Variants in DNAH9 observed in about 807,000 individuals in gnomAD.
DNAH9 encodes DNAH9 variant protein.
A neutral mutation model predicts 471.6 loss-of-function variants in DNAH9; 345 were observed. The observed-to-expected ratio is 0.73, with a 90% CI of 0.67 to 0.80. The LOEUF (loss-of-function observed/expected upper bound fraction) is 0.80. DNAH9 is among the 30% of genes least tolerant of loss of function. The pLI is 0.00. For synonymous variants in DNAH9, 2,093 were observed against 2,123.6 expected (o/e 0.99, Z 0.40); for missense variants, 5,407 against 5,609.2 (o/e 0.96, Z 1.15).
chr17:11,736,851 G>A (rs1436568770), intron 28 of DNAH9, among the ~76,000 whole-genome samples: 4 of 152,222 alleles, frequency 2.6e-5, no homozygotes, highest in African/African-American at 9.6e-5. Flanking sequence ...AAGGTCCCAG[G>A]CTCGTGCCTT....
intron 7 of DNAH9, among the ~76,000 whole-genome samples, chr17:11,632,002 C>G (rs1200862114): frequency 6.6e-6 from 1 of 152,006 alleles, no homozygotes; most frequent in Non-Finnish European, 1.5e-5. Flanking sequence ...TCTTGTTTAC[C>G]TGAAATTCCA....
At chr17:11,702,084 G>T (rs2074611282) in intron 24 of DNAH9, among the ~76,000 whole-genome samples, 1 of 152,214 alleles carries the variant, frequency 6.6e-6, no homozygotes, top group African/African-American at 2.4e-5. Flanking sequence ...TGAAAGCTGA[G>T]ATGTGAAGCA....
rs943568228 is a variant in DNAH9, at chr17:11,948,112, T to G, written c.12843+5627T>G. Reference sequence around the variant, plus strand: ...AACGTGTGATGGCATCAGGCTTTTTTTCTATGCTTCAGTGGTTGATTGCCC... The same window carrying G: ...AACGTGTGATGGCATCAGGCTTTTTGTCTATGCTTCAGTGGTTGATTGCCC... On this transcript the variant is annotated intron_variant, in intron 67 of 68. Coordinates refer to ENST00000262442, the MANE Select transcript of DNAH9 (RefSeq NM_001372.4). Among the ~76,000 whole-genome samples, 9 of 152,080 alleles carry G rather than the reference T, an allele frequency of 5.9e-5. No individual in the cohort carries two copies. In the South Asian group the frequency reaches 6.2e-4, roughly 11 times the overall value.
intron 43 of DNAH9, among the ~76,000 whole-genome samples, chr17:11,798,425 T>A: frequency 1.1e-5 from 1 of 93,190 alleles, no homozygotes; most frequent in Non-Finnish European, 1.9e-5. Flanking sequence ...AGAGCAAGAC[T>A]CTGCCTCAAA....
intron 2 of DNAH9, among the ~76,000 whole-genome samples, chr17:11,609,649 T>A (rs758922243): frequency 1.3e-5 from 2 of 152,238 alleles, no homozygotes; most frequent in Non-Finnish European, 2.9e-5. Flanking sequence ...CCTTGATTCT[T>A]TGCACCTATC....
intron 64 of DNAH9, among the ~76,000 whole-genome samples, chr17:11,933,121 A>G (rs538790857): frequency 6.7e-6 from 1 of 149,634 alleles, no homozygotes; most frequent in Non-Finnish European, 1.5e-5. Context: ...TCTCACACCA[A>G]TGAACTTGTG....
chr17:11,811,061 C>T (rs1006069743), intron 45 of DNAH9, among the ~76,000 whole-genome samples: 6 of 152,170 alleles, frequency 3.9e-5, no homozygotes, highest in African/African-American at 1.4e-4. Context: ...GTCTGTAATC[C>T]CAGCACTTTG....
In DNAH9 at chr17:11,905,671, G is replaced by A. The variant is rs1973570888; in HGVS notation, c.11611G>A (p.Glu3871Lys). ...CTTTTTTTCTGGCAGAGATTTTGTT[G>A]AAGAGAAGTTAGGAAGCAAATACGT... is the stretch of plus-strand genomic sequence containing the variant. ...RMTYALRDFV[E>K]EKLGSKYVVG... The change falls in exon 61 of 69, where the codon GAA becomes AAA. Residue 3871 changes from glutamate to lysine, a missense_variant. Glu to Lys is a moderately conservative substitution (Grantham distance 56, BLOSUM62 1). This residue lies in a region of DNAH9 where 4,636 missense variants were observed against 4,900.3 expected (regional missense o/e 0.95). Coordinates refer to ENST00000262442, the MANE Select transcript of DNAH9 (RefSeq NM_001372.4). 1 of 1,613,424 alleles carries A rather than the reference G, an allele frequency of 6.2e-7. No individual in the cohort carries two copies. The highest frequency in any genetic ancestry group is 1.3e-5 in the African/African-American group (1 of 74,878).
intron 7 of DNAH9, 33 bp from the exon 8 acceptor site, chr17:11,632,554 C>G (rs770468210): frequency 1.8e-6 from 2 of 1,115,626 alleles, no homozygotes. Context: ...CAGAAAATTA[C>G]GTTTTCCTTA....
chr17:11,610,261 A>C lies in DNAH9; in HGVS notation c.615-135A>C, dbSNP rs576099293. 11 of 659,510 alleles carry C rather than the reference A, an allele frequency of 1.7e-5. No homozygotes were observed. The South Asian group carries it at 2.3e-4, about 14-fold the overall frequency. 40.9% of individuals were successfully genotyped at this position (659,510 alleles called of 1,614,324 possible). Reference sequence around the variant, plus strand: ...AGACTGTTATCCAAAAAAGTTAAGAATGCATGGGCTAGATGAAATTTCTCA... The same window carrying C: ...AGACTGTTATCCAAAAAAGTTAAGACTGCATGGGCTAGATGAAATTTCTCA... On this transcript the variant is annotated intron_variant, in intron 2 of 68. Transcript: ENST00000262442.
chr17:11,744,411 G>A (rs1462088796), intron 30 of DNAH9, among the ~76,000 whole-genome samples: 1 of 152,252 alleles, frequency 6.6e-6, no homozygotes, highest in East Asian at 1.9e-4. Context: ...GAATGTGAAG[G>A]CCTCCAAGGT....
At chr17:11,935,410 C>T (rs1189090219) in intron 65 of DNAH9, among the ~76,000 whole-genome samples, 9 of 147,750 alleles carry the variant, frequency 6.1e-5, no homozygotes, top group Admixed American at 2.0e-4. Flanking sequence ...GAGTCTCACT[C>T]TGTCACCCAG....
In DNAH9 at chr17:11,745,019, G is replaced by A. The variant is rs144754222; in HGVS notation, c.6334G>A (p.Glu2112Lys). ...DVPRRRDPNFEALVRKAIVDL... is the reference protein window; with the variant it reads ...DVPRRRDPNFKALVRKAIVDL... ...CCCCCGGAGGAGAGACCCCAACTTCGAAGCTTTGGTTAGGAAGGCGATAGT... is the reference window on the plus strand; with the variant it reads ...CCCCCGGAGGAGAGACCCCAACTTCAAAGCTTTGGTTAGGAAGGCGATAGT... Residue 2112 changes from glutamate to lysine, a missense_variant, in exon 31 of 69, where the codon GAA becomes AAA. Around this residue, in one of 3 missense-constraint regions of DNAH9, gnomAD observed 4,636 missense variants for 4,900.3 expected, o/e 0.95. Transcript: ENST00000262442. 2.6e-5 allele frequency: 42 copies of A among 1,614,048 alleles called. No individual in the cohort carries two copies. The highest frequency in any genetic ancestry group is 1.3e-5 in the African/African-American group (1 of 74,918).
chr17:11,775,595 C>CT (rs71142246), intron 38 of DNAH9, among the ~76,000 whole-genome samples: 3,668 of 60,984 alleles, frequency 0.06, 805 homozygotes, highest in African/African-American at 0.089. Context: ...ATCAGATGTT[C>CT]TTTTTTTTTT....
chr17:11,796,605 T>C (rs1281455445), intron 42 of DNAH9, among the ~76,000 whole-genome samples: 3 of 151,532 alleles, frequency 2.0e-5, no homozygotes, highest in African/African-American at 7.3e-5. Flanking sequence ...TCCCTGCTGA[T>C]AAATAACACA....
At chr17:11,761,201 C>G (rs374160786) in intron 35 of DNAH9, among the ~76,000 whole-genome samples, 9 of 150,402 alleles carry the variant, frequency 6.0e-5, no homozygotes, top group African/African-American at 2.4e-5. Flanking sequence ...GTCATACATA[C>G]ACATGTGTGT....
chr17:11,646,909 GT>G (rs1014674096), intron 11 of DNAH9, among the ~76,000 whole-genome samples, 162 bp from the exon 12 acceptor site: 16 of 152,234 alleles, frequency 1.1e-4, no homozygotes, highest in Middle Eastern at 3.4e-3. Context: ...GCGAAACTCT[GT>G]CTCAAAAAGA....
Position 11,793,511 on chromosome 17 carries a change from C to G in DNAH9, c.8070C>G (p.Leu2690=), listed in dbSNP as rs1969132638. 1.2e-6 allele frequency: 2 copies of G among 1,610,556 alleles called. No individual in the cohort carries two copies. The highest frequency in any genetic ancestry group is 2.2e-5 in the South Asian group (2 of 89,732). The change falls in exon 42 of 69, where the codon CTC becomes CTG. Residue 2690 remains leucine (L), a synonymous_variant. Coordinates refer to ENST00000262442, the MANE Select transcript of DNAH9 (RefSeq NM_001372.4). ...GTCTGTTCCCCTTGAAGGGCATTCTCTTCTCCTCAGTGGAATGTGTGAAAT... is the reference window on the plus strand; with the variant it reads ...GTCTGTTCCCCTTGAAGGGCATTCTGTTCTCCTCAGTGGAATGTGTGAAAT... ...RDFANIFQGI[L]FSSVECVKST...
chr17:11,956,614 G>A (rs576504674), intron 67 of DNAH9, among the ~76,000 whole-genome samples: 1 of 151,936 alleles, frequency 6.6e-6, no homozygotes, highest in East Asian at 1.9e-4. Context: ...ATCATACACA[G>A]TATATTAACT....
Sources: gnomAD v4.1 joint callset for allele counts (sites outside exome capture counted in the v4.1 genomes callset) on GRCh38, gnomAD v4.1.1 for gene constraint, gnomAD v4.1.1 regional missense constraint, MANE v1.5 for transcripts, NCBI Gene and HGNC (gene_info 2026-07-23, HGNC 2026-07-21) for gene names.